Variants in ARHGEF4 observed in about 807,000 individuals in gnomAD.
ARHGEF4 encodes Rho guanine nucleotide exchange factor 4.
Under a neutral mutation model 162.0 loss-of-function variants are expected in ARHGEF4, and 119 were observed. The ratio of observed to expected loss-of-function variants is 0.73; its 90% CI spans 0.63 to 0.86. The LOEUF (loss-of-function observed/expected upper bound fraction) is 0.86. Among genes scored for constraint, ARHGEF4 ranks in the 40% least tolerant of loss-of-function variants. The pLI is 0.00. For synonymous variants in ARHGEF4, 1,014 were observed against 979.9 expected (o/e 1.03, Z -0.65); for missense variants, 2,488 against 2,456.0 (o/e 1.01, Z -0.28).
intron 1 of ARHGEF4, among the ~76,000 whole-genome samples, chr2:130,880,680 G>A (rs1176054223): frequency 6.6e-6 from 1 of 152,180 alleles, no homozygotes; most frequent in East Asian, 1.9e-4. Flanking sequence ...GACTATAGGT[G>A]TGTGCCACTG....
At chr2:130,943,569 G>A (rs1683431902) in intron 3 of ARHGEF4, among the ~76,000 whole-genome samples, 1 of 151,928 alleles carries the variant, frequency 6.6e-6, no homozygotes, top group South Asian at 2.1e-4. Flanking sequence ...TTTTAACTTA[G>A]TTATTGAGCT....
chr2:130,972,475 G>A (rs1185795508), intron 4 of ARHGEF4, among the ~76,000 whole-genome samples: 1 of 152,082 alleles, frequency 6.6e-6, no homozygotes, highest in Non-Finnish European at 1.5e-5. Context: ...CTCTCTCTTG[G>A]GTTTGCAGTT....
chr2:130,920,170 G>A (rs949905879), intron 2 of ARHGEF4, among the ~76,000 whole-genome samples: 7 of 152,100 alleles, frequency 4.6e-5, no homozygotes, highest in Admixed American at 1.3e-4. Context: ...ATGTGGTGGC[G>A]AGATCACGGT....
chr2:130,964,279 G>A, intron 4 of ARHGEF4: 1 of 985,130 alleles, frequency 1.0e-6, no homozygotes, highest in Non-Finnish European at 1.2e-6. Flanking sequence ...CGCGCCGCAC[G>A]CGCCCTCCGC....
intron 4 of ARHGEF4, among the ~76,000 whole-genome samples, chr2:130,958,498 C>G (rs1208009008): frequency 2.6e-5 from 4 of 151,814 alleles, no homozygotes; most frequent in Admixed American, 2.0e-4. Context: ...CAACCTCCGC[C>G]CCCCCGATCC....
chr2:130,907,702 C>T (rs1020974276), intron 1 of ARHGEF4, among the ~76,000 whole-genome samples: 2 of 151,676 alleles, frequency 1.3e-5, no homozygotes, highest in African/African-American at 4.8e-5. Flanking sequence ...GCCTGTAATC[C>T]CAGCACTTTG....
intron 5 of ARHGEF4, among the ~76,000 whole-genome samples, chr2:131,036,878 T>C (rs1690327543): frequency 6.6e-6 from 1 of 152,196 alleles, no homozygotes; most frequent in Admixed American, 6.5e-5. Flanking sequence ...TGCTTCCTTC[T>C]TTCCCTGGAG....
At position 131,040,351 on chromosome 2, in the gene ARHGEF4, T is replaced by C; in HGVS notation, c.4573T>C (p.Cys1525Arg). The C allele has an allele frequency of 6.2e-7, 1 of 1,612,110 alleles. No individual in the cohort carries two copies. The change falls in exon 8 of 14, where the codon TGC becomes CGC. Residue 1525 changes from cysteine to arginine, a missense_variant. Physicochemically the swap from Cys to Arg is radical, Grantham distance 180. Around this residue, in one of 6 missense-constraint regions of ARHGEF4, gnomAD observed 415 missense variants for 512.4 expected, o/e 0.81. Coordinates refer to ENST00000409359, the MANE Select transcript of ARHGEF4 (RefSeq NM_001367493.1). ...CGGGAACATCGAGGACATCTACCGCTGCCAGAAGGCCTTCGTGAAGGCCCT... is the reference window on the plus strand; with the variant it reads ...CGGGAACATCGAGGACATCTACCGCCGCCAGAAGGCCTTCGTGAAGGCCCT... ...IFGNIEDIYR[C>R]QKAFVKALEQ...
In ARHGEF4 at chr2:130,916,172, G is replaced by C. The variant is rs780181146; in HGVS notation, c.2226G>C (p.Arg742=). 41 of 1,548,712 alleles carry C rather than the reference G, an allele frequency of 2.6e-5. No homozygotes were observed. In the East Asian group the frequency reaches 8.6e-4, roughly 32 times the overall value. The change falls in exon 2 of 14, where the codon CGG becomes CGC. Residue 742 remains arginine (R), a synonymous_variant. Transcript: ENST00000409359. ...PPGERLRGES[R]SSGSGERGPE... is the part of the protein sequence containing the mutation. ...GAGAGAGACTGCGTGGGGAGAGCCG[G>C]AGCTCCGGGTCAGGGGAGCGTGGCC...
intron 1 of ARHGEF4, among the ~76,000 whole-genome samples, chr2:130,839,176 C>T (rs2104845820): frequency 6.6e-6 from 1 of 152,252 alleles, no homozygotes; most frequent in South Asian, 2.1e-4. Flanking sequence ...GAGCCACCGA[C>T]AACGTAGTTC....
chr2:130,961,909 C>A (rs12469972), intron 4 of ARHGEF4, among the ~76,000 whole-genome samples: 149,314 of 152,056 alleles, frequency 0.98, 73,361 homozygotes, highest in Middle Eastern at 1. Flanking sequence ...TGCATGAGGG[C>A]TGAGGAGTGG....
intron 9 of ARHGEF4, 31 bp from the exon 10 acceptor site, chr2:131,041,784 G>T: frequency 6.2e-7 from 1 of 1,606,546 alleles, no homozygotes; most frequent in Non-Finnish European, 8.5e-7. Context: ...TCTCCAGCCT[G>T]CAGCAGCCTT....
intron 4 of ARHGEF4, among the ~76,000 whole-genome samples, chr2:130,952,268 T>C (rs1462927300): frequency 6.6e-6 from 1 of 152,214 alleles, no homozygotes; most frequent in Non-Finnish European, 1.5e-5. Context: ...GTCTTCATTT[T>C]TGAAAGGTTA....
chr2:130,915,786 C>G lies in ARHGEF4; in HGVS notation c.1840C>G (p.Arg614Gly). The G allele has an allele frequency of 6.6e-7, 1 of 1,524,506 alleles. No individual in the cohort carries two copies. The allele number at this position is 1,524,506 out of a possible 1,614,324, so 94.4% of individuals were successfully genotyped here. Residue 614 changes from arginine to glycine, a missense_variant, in exon 2 of 14, where the codon CGG becomes GGG. Arg to Gly is a moderately radical substitution (Grantham distance 125). Coordinates refer to ENST00000409359, the MANE Select transcript of ARHGEF4 (RefSeq NM_001367493.1). The part of the protein sequence containing the change: ...GEQGPGGAGG[R>G]QLEPKAGGEA... ...ACAGGGGCCTGGGGGTGCCGGGGGCCGGCAGCTGGAGCCCAAAGCAGGCGG... is the reference window on the plus strand; with the variant it reads ...ACAGGGGCCTGGGGGTGCCGGGGGCGGGCAGCTGGAGCCCAAAGCAGGCGG...
At chr2:130,902,113 A>G (rs1040331071) in intron 1 of ARHGEF4, among the ~76,000 whole-genome samples, 10 of 152,154 alleles carry the variant, frequency 6.6e-5, no homozygotes, top group Non-Finnish European at 1.5e-4. Flanking sequence ...TCTCTTGGAA[A>G]TTTTAAGTAA....
chr2:130,852,747 C>T lies in ARHGEF4; in HGVS notation c.39+15755C>T, dbSNP rs1043713035. On this transcript the variant is annotated intron_variant, in intron 1 of 13. Coordinates refer to ENST00000409359, the MANE Select transcript of ARHGEF4 (RefSeq NM_001367493.1). ...CCTGAGCCCCGTCGCCTCCTGCGGG[C>T]GGTGGAGAGCTGCAGTGGGGAGACA... 7.2e-5 allele frequency among the ~76,000 whole-genome samples: 11 copies of T among 152,174 alleles called. 1 individual carries two copies. Among genetic ancestry groups the T allele is most frequent in the Admixed American group, 2.6e-4 (4 of 15,288 alleles).
intron 1 of ARHGEF4, among the ~76,000 whole-genome samples, chr2:130,860,643 A>G (rs28881203): frequency 0.013 from 1,526 of 119,174 alleles, 546 homozygotes; most frequent in African/African-American, 0.055. Flanking sequence ...CCGGGAGGCG[A>G]AGCTTGCGGT....
chr2:130,883,159 C>T (rs531607867), intron 1 of ARHGEF4, among the ~76,000 whole-genome samples: 272 of 152,124 alleles, frequency 1.8e-3, no homozygotes, highest in Non-Finnish European at 2.9e-3. Flanking sequence ...TGACGGTACT[C>T]GGATGTAGTG....
At chr2:130,922,357 G>T (rs1026533090) in intron 2 of ARHGEF4, among the ~76,000 whole-genome samples, 5 of 151,300 alleles carry the variant, frequency 3.3e-5, no homozygotes, top group Admixed American at 6.6e-5. Context: ...GGCAACAAGA[G>T]TGAAACTCTG....
Sources: allele counts gnomAD v4.1 joint callset (sites outside exome capture counted in the v4.1 genomes callset), GRCh38; gene constraint gnomAD v4.1.1; regional missense constraint gnomAD v4.1.1; transcripts MANE v1.5; gene names NCBI Gene and HGNC (gene_info 2026-07-23, HGNC 2026-07-21).